Variants in NCOA6 observed in about 807,000 individuals in gnomAD.
NCOA6 encodes the protein NRC RAP250.
A neutral mutation model predicts 171.4 loss-of-function variants in NCOA6; 49 were observed. The observed-to-expected ratio is 0.29, with a 90% CI of 0.23 to 0.36. The LOEUF (loss-of-function observed/expected upper bound fraction) is 0.36. Ranked by LOEUF, NCOA6 falls within the 10% of genes least tolerant of loss-of-function variation. The pLI is 1.00. For synonymous variants in NCOA6, 910 were observed against 927.5 expected, an observed-to-expected ratio of 0.98 and a Z score of 0.34; for missense variants, 2,248 against 2,554.5, an observed-to-expected ratio of 0.88 and a Z score of 2.59.
chr20:34,740,959 A>G lies in NCOA6; in HGVS notation c.5297T>C (p.Leu1766Ser). The stretch of plus-strand genomic sequence containing the variant: ...CTGAGGGCTAGCCTCATCTGGATTC[A>G]ATTCTTTCACTTGCTGCACAGGGGG... ...SHPPVQQVKELNPDEASPQVN... is the reference protein window; with the variant it reads ...SHPPVQQVKESNPDEASPQVN... Residue 1766 changes from leucine (L) to serine (S), a missense_variant, in exon 11 of 15, where the codon TTG becomes TCG. Physicochemically the swap from Leu to Ser is moderately radical, Grantham distance 145. Transcript: ENST00000359003. 1 of 1,614,176 alleles carries G rather than the reference A, an allele frequency of 6.2e-7. No individual in the cohort carries two copies. The highest frequency in any genetic ancestry group is 8.5e-7 in the Non-Finnish European group (1 of 1,180,034).
chr20:34,814,215 T>C (rs2078759915), intron 1 of NCOA6, among the ~76,000 whole-genome samples: 1 of 152,090 alleles, frequency 6.6e-6, no homozygotes, highest in Non-Finnish European at 1.5e-5. Flanking sequence ...GGCGCATGCC[T>C]GTAATCCTAG....
At chr20:34,780,508 C>T (rs960438740) in intron 3 of NCOA6, among the ~76,000 whole-genome samples, 2 of 151,876 alleles carry the variant, frequency 1.3e-5, no homozygotes, top group African/African-American at 2.4e-5. Context: ...CCTGCCAGCA[C>T]GCCTGACTAA....
At chr20:34,804,900 G>A (rs1204798786) in intron 1 of NCOA6, among the ~76,000 whole-genome samples, 1 of 151,912 alleles carries the variant, frequency 6.6e-6, no homozygotes, top group Non-Finnish European at 1.5e-5. Flanking sequence ...TTTATCTATA[G>A]TCATCCTACA....
Position 34,800,475 on chromosome 20 carries a change from T to C in NCOA6, c.-163-7912A>G, listed in dbSNP as rs566107849. On this transcript the variant is annotated intron_variant, in intron 1 of 14. Coordinates refer to ENST00000359003, the MANE Select transcript of NCOA6 (RefSeq NM_014071.5). Reference sequence around the variant, plus strand: ...ACAGAAAACAAGACCCAATGATCTGTTGACTACAAGAAACACACTTCACCT... The same window carrying C: ...ACAGAAAACAAGACCCAATGATCTGCTGACTACAAGAAACACACTTCACCT... Among the ~76,000 whole-genome samples, 53 of 152,222 alleles carry C rather than the reference T, an allele frequency of 3.5e-4. No individual in the cohort carries two copies. In the South Asian group the frequency reaches 3.7e-3, roughly 11 times the overall value.
chr20:34,742,344 T>C lies in NCOA6; in HGVS notation c.3912A>G (p.Lys1304=), dbSNP rs779676615. ...CAGAATTCACTACCACAGAATCTAA[T>C]TTGTGAGTTTGTGGGGTAGCAAAAT... The part of the protein sequence containing the change: ...PSNFATPQTH[K]LDSVVVNSGK... The change falls in exon 11 of 15, where the codon AAA becomes AAG. Residue 1304 remains lysine (K), a synonymous_variant. Coordinates refer to ENST00000359003, the MANE Select transcript of NCOA6 (RefSeq NM_014071.5). The C allele has an allele frequency of 6.2e-7, 1 of 1,614,042 alleles. No individual in the cohort carries two copies. Among genetic ancestry groups the C allele is most frequent in the Non-Finnish European group, 8.5e-7 (1 of 1,180,042 alleles).
intron 1 of NCOA6, among the ~76,000 whole-genome samples, chr20:34,815,241 T>C (rs1317891984): frequency 6.7e-6 from 1 of 148,440 alleles, no homozygotes; most frequent in South Asian, 2.1e-4. Context: ...GGTGAGGTGG[T>C]GAACACCTGT....
Position 34,741,026 on chromosome 20 carries a change from G to C in NCOA6, c.5230C>G (p.Pro1744Ala), listed in dbSNP as rs747726440. 6.2e-7 allele frequency: 1 copy of C among 1,614,240 alleles called. No individual in the cohort carries two copies. Among genetic ancestry groups the C allele is most frequent in the Non-Finnish European group, 8.5e-7 (1 of 1,180,046 alleles). ...GGAGAAGACGTACAAGGAGGGGAAG[G>C]AAGCTGAACAGGGGTGGCTCGTGAG... ...LSSRATPVQL[P>A]SPPCTSSPVV... The change falls in exon 11 of 15, where the codon CCT becomes GCT. Residue 1744 changes from proline to alanine, a missense_variant. By Grantham distance (27) the Pro-to-Ala change is conservative (BLOSUM62 -1). This residue lies in a region of NCOA6 where 884 missense variants were observed against 941.9 expected (regional missense o/e 0.94). Transcript: ENST00000359003.
rs1016256031 is a variant in NCOA6, at chr20:34,810,712, T to C, written c.-164+14760A>G. Reference sequence around the variant, plus strand: ...CTGGGACTACAGGCGCCCGCCACCATGCCCAGCTAATTTTTTTGTATTTTT... The same window carrying C: ...CTGGGACTACAGGCGCCCGCCACCACGCCCAGCTAATTTTTTTGTATTTTT... On this transcript the variant is annotated intron_variant, in intron 1 of 14. Coordinates refer to ENST00000359003, the MANE Select transcript of NCOA6 (RefSeq NM_014071.5). Among the ~76,000 whole-genome samples, 39 of 152,182 alleles carry C rather than the reference T, an allele frequency of 2.6e-4. 1 individual carries two copies. The highest frequency in any genetic ancestry group is 4.7e-4 in the Non-Finnish European group (32 of 67,990).
chr20:34,729,343 T>C (rs1040436368), intron 13 of NCOA6, among the ~76,000 whole-genome samples: 1 of 152,220 alleles, frequency 6.6e-6, no homozygotes, highest in Non-Finnish European at 1.5e-5. Context: ...CAGTGAATAT[T>C]GTTGAGTTGT....
chr20:34,755,842 C>A (rs1051352677), intron 7 of NCOA6, among the ~76,000 whole-genome samples: 1 of 152,098 alleles, frequency 6.6e-6, no homozygotes, highest in Admixed American at 6.6e-5. Context: ...TTCAAGCAAT[C>A]CTCCCTGCCT....
intron 14 of NCOA6, among the ~76,000 whole-genome samples, chr20:34,723,490 A>G (rs920514073): frequency 6.6e-6 from 1 of 152,152 alleles, no homozygotes; most frequent in African/African-American, 2.4e-5. Context: ...ATATCTATAC[A>G]TGACTGTGAT....
rs776249678 is a variant in NCOA6, at chr20:34,715,382, G to C, written c.6149-17C>G. The C allele has an allele frequency of 1.8e-5, 29 of 1,594,290 alleles. No individual in the cohort carries two copies. In the South Asian group the frequency reaches 2.8e-4, roughly 15 times the overall value. The stretch of plus-strand genomic sequence containing the variant: ...TGGTTATGTCTGTGGGGGAAAGAAA[G>C]GACATGTTCAGTGGAAGTAACTCTT... On this transcript the variant is annotated splice_polypyrimidine_tract_variant and intron_variant, in intron 14 of 14. Transcript: ENST00000359003.
intron 1 of NCOA6, among the ~76,000 whole-genome samples, chr20:34,800,865 T>C (rs917484830): frequency 3.3e-5 from 5 of 152,160 alleles, no homozygotes; most frequent in African/African-American, 1.2e-4. Context: ...TACATGAACT[T>C]AATAAGATAT....
At position 34,749,628 on chromosome 20, in the gene NCOA6, G is replaced by C; in HGVS notation, c.2567C>G (p.Pro856Arg). The change falls in exon 9 of 15, where the codon CCT becomes CGT. Residue 856 changes from proline to arginine, a missense_variant. Pro to Arg is a moderately radical substitution (Grantham distance 103, BLOSUM62 -2). This residue lies in a region of NCOA6 where 987 missense variants were observed against 1,104.7 expected (regional missense o/e 0.89). Coordinates refer to ENST00000359003, the MANE Select transcript of NCOA6 (RefSeq NM_014071.5). ...ATTTCCATTGGGAGCTCCACTGAAA[G>C]GTGCATTGAAAGACATCCCATGGCC... ...FSGHGMSFNA[P>R]FSGAPNGNQM... is the part of the protein sequence containing the mutation. 6.2e-7 allele frequency: 1 copy of C among 1,614,204 alleles called. No individual in the cohort carries two copies. The highest frequency in any genetic ancestry group is 8.5e-7 in the Non-Finnish European group (1 of 1,180,036).
At chr20:34,788,095 G>A (rs183830927) in intron 2 of NCOA6, among the ~76,000 whole-genome samples, 72 of 152,216 alleles carry the variant, frequency 4.7e-4, no homozygotes, top group African/African-American at 1.6e-3. Context: ...TCGAACTCCT[G>A]AGCTCAAGCA....
chr20:34,732,701 G>A, intron 12 of NCOA6, 106 bp from the exon 13 acceptor site: 1 of 896,986 alleles, frequency 1.1e-6, no homozygotes, highest in South Asian at 1.6e-5. Context: ...AAGTGTCCCT[G>A]TGCCCAGCAG....
chr20:34,741,993 C>T lies in NCOA6; in HGVS notation c.4263G>A (p.Val1421=), dbSNP rs774994142. Residue 1421 remains valine, a synonymous_variant, in exon 11 of 15, where the codon GTG becomes GTA. Coordinates refer to ENST00000359003, the MANE Select transcript of NCOA6 (RefSeq NM_014071.5). ...AATTCTGGCAATCACTGTCCTGAGG[C>T]ACATTCAAGCTCTCCTTGTTATCCT... ...VVEDNKESLN[V]PQDSDCQNSQ... 3 of 1,614,216 alleles carry T rather than the reference C, an allele frequency of 1.9e-6. No homozygotes were observed.
intron 1 of NCOA6, among the ~76,000 whole-genome samples, chr20:34,800,107 G>T (rs2078209010): frequency 6.6e-6 from 1 of 152,082 alleles, no homozygotes. Context: ...AAGTTAGTAT[G>T]TAGAGTTTTT....
intron 5 of NCOA6, among the ~76,000 whole-genome samples, chr20:34,764,450 T>C (rs919019261): frequency 6.6e-6 from 1 of 151,998 alleles, no homozygotes; most frequent in Non-Finnish European, 1.5e-5. Context: ...TTCCAGCACT[T>C]TGGGAGGCTG....
Sources: gnomAD v4.1 joint callset for allele counts (sites outside exome capture counted in the v4.1 genomes callset) on GRCh38, gnomAD v4.1.1 for gene constraint, gnomAD v4.1.1 regional missense constraint, MANE v1.5 for transcripts, NCBI Gene and HGNC (gene_info 2026-07-23, HGNC 2026-07-21) for gene names.